The following IMMP2L variants were observed in gnomAD, a reference collection of about 807,000 sequenced individuals.
The protein encoded by IMMP2L is mitochondrial inner membrane protease subunit 2.
In IMMP2L, 18 loss-of-function variants were observed where a neutral mutation model predicts 19.3. The observed-to-expected ratio is 0.93, with a 90% CI of 0.64 to 1.38. The LOEUF (loss-of-function observed/expected upper bound fraction) is 1.38. Among genes scored for constraint, IMMP2L ranks in the 40% most tolerant of loss-of-function variants. The pLI is 0.00. For missense variants in IMMP2L, 233 were observed against 218.2 expected, an observed-to-expected ratio of 1.07 and a Z score of -0.43; for synonymous variants, 76 against 73.0, an observed-to-expected ratio of 1.04 and a Z score of -0.21.
chr7:111,423,184 G>T (rs1273805017), intron 3 of IMMP2L, among the ~76,000 whole-genome samples: 1 of 151,520 alleles, frequency 6.6e-6, no homozygotes. Context: ...ATTCTTTTTT[G>T]TTGTGTCTCT....
At chr7:111,370,507 T>C (rs1179316788) in intron 3 of IMMP2L, among the ~76,000 whole-genome samples, 2 of 151,992 alleles carry the variant, frequency 1.3e-5, no homozygotes, top group Non-Finnish European at 2.9e-5. Flanking sequence ...AAATACTTTA[T>C]TGCACCCTTG....
chr7:111,532,571 A>G (rs1248161952), intron 1 of IMMP2L: 2 of 152,258 alleles, frequency 1.3e-5, no homozygotes, highest in African/African-American at 4.8e-5. Flanking sequence ...AAGGCTTCTC[A>G]AAAGAATCAG....
intron 3 of IMMP2L, among the ~76,000 whole-genome samples, chr7:110,981,463 C>G (rs1476049903): frequency 6.6e-6 from 1 of 151,332 alleles, no homozygotes; most frequent in Non-Finnish European, 1.5e-5. Flanking sequence ...ACAATTATAA[C>G]TATACTCCTG....
intron 4 of IMMP2L, among the ~76,000 whole-genome samples, chr7:110,930,242 C>T (rs747412499): frequency 5.3e-5 from 8 of 152,100 alleles, no homozygotes; most frequent in Non-Finnish European, 1.0e-4. Context: ...TCCGCTCCTC[C>T]ACCAAGTTAT....
intron 3 of IMMP2L, among the ~76,000 whole-genome samples, chr7:111,240,485 G>T (rs762786653): frequency 6.6e-6 from 1 of 151,936 alleles, no homozygotes; most frequent in East Asian, 1.9e-4. Flanking sequence ...CACACCTGTT[G>T]TCTGTCATGT....
At chr7:111,015,195 G>A (rs1322469912) in intron 3 of IMMP2L, among the ~76,000 whole-genome samples, 2 of 152,122 alleles carry the variant, frequency 1.3e-5, no homozygotes, top group Admixed American at 6.6e-5. Flanking sequence ...AATGTGATAT[G>A]TACGTACAAT....
chr7:111,254,404 G>A (rs745907586), intron 3 of IMMP2L, among the ~76,000 whole-genome samples: 2 of 151,936 alleles, frequency 1.3e-5, no homozygotes, highest in Non-Finnish European at 2.9e-5. Flanking sequence ...GAACATTTTT[G>A]TTTTCACCTA....
At chr7:110,964,975 G>A (rs142561242) in intron 3 of IMMP2L, among the ~76,000 whole-genome samples, 14 of 152,114 alleles carry the variant, frequency 9.2e-5, no homozygotes, top group African/African-American at 2.4e-4. Context: ...CTGCAAATTC[G>A]TGAGAGACCT....
intron 5 of IMMP2L, among the ~76,000 whole-genome samples, chr7:110,820,949 T>C (rs1802971175): frequency 6.6e-6 from 1 of 152,066 alleles, no homozygotes; most frequent in Non-Finnish European, 1.5e-5. Context: ...TTTCCATTGG[T>C]TAATGACAAA....
intron 3 of IMMP2L, among the ~76,000 whole-genome samples, chr7:111,352,064 T>C (rs746344049): frequency 3.3e-5 from 5 of 152,136 alleles, no homozygotes; most frequent in African/African-American, 4.8e-5. Flanking sequence ...TGCTTCCCAT[T>C]AACACAACAA....
chr7:111,036,145 C>T lies in IMMP2L; in HGVS notation c.240-72580G>A, dbSNP rs190899545. On this transcript the variant is annotated intron_variant, in intron 3 of 5. Coordinates refer to ENST00000405709, the MANE Select transcript of IMMP2L (RefSeq NM_032549.4). ...TATGGCATTTTAGAACTAGTAAAAACTTAGAACTAACATAAGAAACACAAA... is the reference window on the plus strand; with the variant it reads ...TATGGCATTTTAGAACTAGTAAAAATTTAGAACTAACATAAGAAACACAAA... Among the ~76,000 whole-genome samples the T allele has an allele frequency of 5.9e-4, 90 of 152,266 alleles. No homozygotes were observed. In the Middle Eastern group the frequency reaches 0.014, roughly 23 times the overall value.
intron 3 of IMMP2L, among the ~76,000 whole-genome samples, chr7:111,459,987 A>G (rs567575924): frequency 3.9e-5 from 6 of 152,270 alleles, no homozygotes; most frequent in African/African-American, 1.4e-4. Context: ...TCAATGAAAG[A>G]AAAATGCTTC....
chr7:111,378,895 A>G (rs1233244697), intron 3 of IMMP2L, among the ~76,000 whole-genome samples: 1 of 151,854 alleles, frequency 6.6e-6, no homozygotes, highest in Non-Finnish European at 1.5e-5. Flanking sequence ...AGGTTAGTAT[A>G]CTCTCTTAAG....
At chr7:110,843,961 C>T (rs954321696) in intron 5 of IMMP2L, among the ~76,000 whole-genome samples, 8 of 152,078 alleles carry the variant, frequency 5.3e-5, no homozygotes, top group African/African-American at 1.9e-4. Flanking sequence ...GGGCTGGGTC[C>T]TGCAGACTGT....
At chr7:110,704,448 A>T (rs998627248) in intron 5 of IMMP2L, among the ~76,000 whole-genome samples, 8 of 152,202 alleles carry the variant, frequency 5.3e-5, no homozygotes, top group African/African-American at 1.9e-4. Context: ...CAATATTTGT[A>T]GTTCTCTTGT....
At chr7:110,882,169 G>A (rs1809706498) in intron 5 of IMMP2L, among the ~76,000 whole-genome samples, 1 of 152,106 alleles carries the variant, frequency 6.6e-6, no homozygotes. Context: ...AAAGAATTCA[G>A]AAGGCTCACA....
chr7:111,318,779 A>C (rs767913229), intron 3 of IMMP2L, among the ~76,000 whole-genome samples: 9 of 152,134 alleles, frequency 5.9e-5, no homozygotes, highest in Non-Finnish European at 2.9e-5. Flanking sequence ...TTTAGATACT[A>C]AATTAGGACT....
chr7:111,317,919 C>A (rs1824281242), intron 3 of IMMP2L, among the ~76,000 whole-genome samples: 1 of 152,082 alleles, frequency 6.6e-6, no homozygotes, highest in Non-Finnish European at 1.5e-5. Flanking sequence ...TCTACATGGT[C>A]TCATTTTCCT....
At position 111,032,129 on chromosome 7, in the gene IMMP2L, C is replaced by T. The variant is rs202017457; in HGVS notation, c.240-68564G>A. On this transcript the variant is annotated intron_variant, in intron 3 of 5. Transcript: ENST00000405709. ...AATTTTTTTGTATTTTTAGTAGAGA[C>T]AAGGTTTCGCTATGTTGCCTAGGCA... is the stretch of plus-strand genomic sequence containing the variant. Among the ~76,000 whole-genome samples, 6 of 151,966 alleles carry T rather than the reference C, an allele frequency of 3.9e-5. No homozygotes were observed. In the East Asian group the frequency reaches 9.7e-4, roughly 24 times the overall value.
Sources: allele counts gnomAD v4.1 joint callset (sites outside exome capture counted in the v4.1 genomes callset), GRCh38; gene constraint gnomAD v4.1.1; transcripts MANE v1.5; gene names NCBI Gene and HGNC (gene_info 2026-07-23, HGNC 2026-07-21).